Variants in FNDC3B observed in about 807,000 individuals in gnomAD.
FNDC3B encodes the protein fibronectin type III domain-containing protein 3B.
Under a neutral mutation model 151.5 loss-of-function variants are expected in FNDC3B, and 12 were observed. The observed-to-expected ratio is 0.08, with a 90% CI of 0.05 to 0.13. The LOEUF (loss-of-function observed/expected upper bound fraction) is 0.13. Among genes scored for constraint, FNDC3B ranks in the 10% least tolerant of loss-of-function variants. The pLI, the probability that FNDC3B is intolerant of heterozygous loss-of-function variation, is 1.00. For synonymous variants in FNDC3B, 528 were observed against 549.0 expected (o/e 0.96, Z 0.54); for missense variants, 1,214 against 1,505.3 (o/e 0.81, Z 3.20).
chr3:172,321,916 C>T (rs1375139136), intron 11 of FNDC3B, among the ~76,000 whole-genome samples: 6 of 152,106 alleles, frequency 3.9e-5, no homozygotes, highest in Non-Finnish European at 8.8e-5. Context: ...TGTATGCTAG[C>T]ATGCACATTA....
chr3:172,118,914 A>G (rs369448737), intron 2 of FNDC3B, among the ~76,000 whole-genome samples: 11 of 152,166 alleles, frequency 7.2e-5, no homozygotes, highest in African/African-American at 2.6e-4. Flanking sequence ...CATGCCTGTA[A>G]TCCCAGCACT....
intron 3 of FNDC3B, among the ~76,000 whole-genome samples, chr3:172,217,000 A>G (rs1000688994): frequency 8.5e-5 from 13 of 152,220 alleles, no homozygotes; most frequent in Non-Finnish European, 2.9e-5. Flanking sequence ...TGAGATACAC[A>G]GAAACCTCAG....
chr3:172,312,577 GTTCA>G (rs1731566895), intron 11 of FNDC3B, among the ~76,000 whole-genome samples: 1 of 150,966 alleles, frequency 6.6e-6, no homozygotes, highest in African/African-American at 2.4e-5. Context: ...ATGTCTCGAG[GTTCA>G]CCAGTACAGA....
At chr3:172,187,060 G>A (rs1055649935) in intron 3 of FNDC3B, 3 of 291,890 alleles carry the variant, frequency 1.0e-5, no homozygotes, top group Non-Finnish European at 1.9e-5. Context: ...GTTTTTGGAA[G>A]CTTTATTCCT....
intron 3 of FNDC3B, among the ~76,000 whole-genome samples, chr3:172,221,147 G>T (rs764586904): frequency 6.6e-6 from 1 of 150,474 alleles, no homozygotes; most frequent in Non-Finnish European, 1.5e-5. Flanking sequence ...TACCTTGCAG[G>T]TTTACTGAAT....
In FNDC3B at chr3:172,343,086, C is replaced by A; in HGVS notation, c.2047C>A (p.Pro683Thr). ...TCGACCACCGAGGGTTTTGGGTAGA[C>A]CAAAGCACAAAGAAGTCCACTTAGA... ...QCRPPRVLGR[P>T]KHKEVHLEWD... The change falls in exon 18 of 26, where the codon CCA (proline) becomes ACA (threonine). Residue 683 changes from proline (P) to threonine (T), a missense_variant. By Grantham distance (38) the Pro-to-Thr change is conservative. Transcript: ENST00000415807. 1 of 1,610,422 alleles carries A rather than the reference C, an allele frequency of 6.2e-7. No homozygotes were observed. Among genetic ancestry groups the A allele is most frequent in the Non-Finnish European group, 8.5e-7 (1 of 1,177,060 alleles).
At chr3:172,241,929 TA>T (rs1181646802) in intron 4 of FNDC3B, among the ~76,000 whole-genome samples, 1 of 152,190 alleles carries the variant, frequency 6.6e-6, no homozygotes, top group Non-Finnish European at 1.5e-5. Flanking sequence ...TATAAGCCTA[TA>T]AAATCAAAAG....
At chr3:172,368,164 G>A (rs536170356) in intron 23 of FNDC3B, among the ~76,000 whole-genome samples, 19 of 152,080 alleles carry the variant, frequency 1.2e-4, no homozygotes, top group Middle Eastern at 3.4e-3. Context: ...CAGCTACTCC[G>A]GAGGCTGAAG....
intron 3 of FNDC3B, among the ~76,000 whole-genome samples, chr3:172,215,205 C>G (rs935922788): frequency 3.3e-5 from 5 of 152,194 alleles, no homozygotes; most frequent in African/African-American, 1.2e-4. Flanking sequence ...GTGTATTTGC[C>G]CATGAGTTCT....
chr3:172,230,635 A>G (rs1437871785), intron 4 of FNDC3B, among the ~76,000 whole-genome samples: 2 of 152,240 alleles, frequency 1.3e-5, no homozygotes, highest in African/African-American at 4.8e-5. Flanking sequence ...GTCAAGAATA[A>G]AAAGAAATTT....
chr3:172,066,420 TCTGC>T (rs1317998754), intron 1 of FNDC3B, among the ~76,000 whole-genome samples: 8 of 152,244 alleles, frequency 5.3e-5, no homozygotes, highest in Middle Eastern at 3.2e-3. Context: ...GGAGGTAATA[TCTGC>T]CCAAGGCAAT....
chr3:172,389,734 C>T (rs1372156393), intron 25 of FNDC3B, among the ~76,000 whole-genome samples: 1 of 151,612 alleles, frequency 6.6e-6, no homozygotes, highest in Non-Finnish European at 1.5e-5. Context: ...GGCGTAGTGG[C>T]GGGCGCCTGT....
chr3:172,277,418 G>A (rs1173654581), intron 6 of FNDC3B, among the ~76,000 whole-genome samples: 1 of 152,134 alleles, frequency 6.6e-6, no homozygotes, highest in African/African-American at 2.4e-5. Context: ...TTGTGTGGCT[G>A]AGAGAAGAAA....
At chr3:172,060,197 T>C (rs1717128765) in intron 1 of FNDC3B, among the ~76,000 whole-genome samples, 1 of 152,226 alleles carries the variant, frequency 6.6e-6, no homozygotes, top group African/African-American at 2.4e-5. Flanking sequence ...TTCTCGTGAC[T>C]CAGTTTTGTA....
At chr3:172,289,328 T>G (rs1327697741) in intron 7 of FNDC3B, among the ~76,000 whole-genome samples, 1 of 152,162 alleles carries the variant, frequency 6.6e-6, no homozygotes, top group Non-Finnish European at 1.5e-5. Flanking sequence ...CCCCCGTGAT[T>G]TTACTGGGCC....
At chr3:172,338,541 A>T (rs773509369) in intron 16 of FNDC3B, among the ~76,000 whole-genome samples, 1 of 152,252 alleles carries the variant, frequency 6.6e-6, no homozygotes, top group South Asian at 2.1e-4. Flanking sequence ...GTTACTATTC[A>T]TACTGGGTGG....
rs1274635936 is a variant in FNDC3B at position 172,096,367 on chromosome 3, AATAATTCTATTTAAAAT to A, written c.-28-16082_-28-16066del. ...GAATCCAGTCTTCATAATGGATTTA[AATAATTCTATTTAAAAT>A]ATGTGCACACAATCTAAAAGCATTT... On this transcript the variant is annotated intron_variant, in intron 1 of 25. Transcript: ENST00000415807. 7.2e-5 allele frequency among the ~76,000 whole-genome samples: 11 copies of A among 152,342 alleles called. No homozygotes were observed. The East Asian group carries it at 2.1e-3, about 29-fold the overall frequency.
intron 3 of FNDC3B, among the ~76,000 whole-genome samples, chr3:172,178,921 C>T (rs1335561551): frequency 6.6e-6 from 1 of 152,138 alleles, no homozygotes; most frequent in Non-Finnish European, 1.5e-5. Context: ...TTTCATATTT[C>T]TGCCTTGTGA....
chr3:172,209,049 C>T (rs937016798), intron 3 of FNDC3B, among the ~76,000 whole-genome samples: 4 of 147,542 alleles, frequency 2.7e-5, no homozygotes, highest in Non-Finnish European at 4.5e-5. Flanking sequence ...GCCCTGGCTC[C>T]GGGAGCCCTG....
Sources: allele counts gnomAD v4.1 joint callset (sites outside exome capture counted in the v4.1 genomes callset), GRCh38; gene constraint gnomAD v4.1.1; transcripts MANE v1.5; gene names NCBI Gene and HGNC (gene_info 2026-07-23, HGNC 2026-07-21).